CDH7: variants seen among roughly 807,000 people sequenced by gnomAD.
CDH7 encodes cadherin-7.
A neutral mutation model predicts 71.8 loss-of-function variants in CDH7; 25 were observed. The ratio of observed to expected loss-of-function variants is 0.35; its 90% CI spans 0.25 to 0.49. The LOEUF is 0.49. CDH7 is among the 20% of genes least tolerant of loss of function. The probability of loss-of-function intolerance (pLI) is 0.99; values close to 1 mark genes in which losing one functional copy is unlikely to be tolerated. For missense variants in CDH7, 862 were observed against 974.6 expected, an observed-to-expected ratio of 0.88 and a Z score of 1.54; for synonymous variants, 381 against 363.8, an observed-to-expected ratio of 1.05 and a Z score of -0.54.
intron 11 of CDH7, among the ~76,000 whole-genome samples, chr18:65,868,326 A>C (rs1415889334): frequency 6.6e-6 from 1 of 152,222 alleles, no homozygotes; most frequent in Non-Finnish European, 1.5e-5. Context: ...GAGATTTCCT[A>C]GGCAAGTATT....
intron 11 of CDH7, chr18:65,865,615 G>A (rs964556999): frequency 1.1e-4 from 17 of 152,100 alleles, no homozygotes; most frequent in African/African-American, 4.1e-4. Context: ...ATCATCAAAT[G>A]CTACCATTTT....
intron 11 of CDH7, among the ~76,000 whole-genome samples, chr18:65,869,805 A>T (rs1913875574): frequency 6.6e-6 from 1 of 152,106 alleles, no homozygotes; most frequent in Admixed American, 6.6e-5. Context: ...ACATAACAGA[A>T]CATTCTATAC....
chr18:65,792,713 G>A (rs1022569353), intron 2 of CDH7, among the ~76,000 whole-genome samples: 6 of 151,968 alleles, frequency 3.9e-5, no homozygotes, highest in Non-Finnish European at 8.8e-5. Context: ...CACTCTATCC[G>A]TTGTTACCCA....
intron 1 of CDH7, among the ~76,000 whole-genome samples, chr18:65,761,420 T>C (rs1240517101): frequency 1.3e-5 from 2 of 151,838 alleles, no homozygotes; most frequent in African/African-American, 4.8e-5. Flanking sequence ...ACACTCTTCT[T>C]ACAGAAGGGA....
chr18:65,853,120 G>A (rs1227674048), intron 7 of CDH7, among the ~76,000 whole-genome samples: 6 of 152,124 alleles, frequency 3.9e-5, no homozygotes, highest in African/African-American at 9.7e-5. Flanking sequence ...CTAATTGTCC[G>A]CTCCAATATA....
chr18:65,777,471 T>A (rs1909991268), intron 2 of CDH7, among the ~76,000 whole-genome samples: 1 of 151,942 alleles, frequency 6.6e-6, no homozygotes, highest in African/African-American at 2.4e-5. Context: ...AGTAAAACTC[T>A]CCAAACGCGA....
At chr18:65,851,320 T>G (rs1331967899) in intron 7 of CDH7, among the ~76,000 whole-genome samples, 1 of 152,132 alleles carries the variant, frequency 6.6e-6, no homozygotes, top group Non-Finnish European at 1.5e-5. Context: ...GATTAAAATT[T>G]CTATTCAAAT....
chr18:65,869,446 G>A (rs1035971103), intron 11 of CDH7, among the ~76,000 whole-genome samples: 2 of 151,314 alleles, frequency 1.3e-5, no homozygotes, highest in Non-Finnish European at 2.9e-5. Flanking sequence ...TACTTACTTG[G>A]TGTACTTTAG....
chr18:65,802,416 G>C (rs1367111940), intron 2 of CDH7, among the ~76,000 whole-genome samples: 1 of 152,138 alleles, frequency 6.6e-6, no homozygotes, highest in Non-Finnish European at 1.5e-5. Flanking sequence ...CTCAAATTCT[G>C]TTTTTATCTT....
rs868861970 is a variant in CDH7 at position 65,782,067 on chromosome 18, T to C, written c.210+19015T>C. ...CTTCCTTCCTTCCTTCCTTCCTTTC[T>C]TTCTTTCTTTCTTTCCTTCCTTCCT... is the stretch of plus-strand genomic sequence containing the variant. On this transcript the variant is annotated intron_variant, in intron 2 of 11. Transcript: ENST00000397968. Among the ~76,000 whole-genome samples, 6 of 55,340 alleles carry C rather than the reference T, an allele frequency of 1.1e-4. No individual in the cohort carries two copies. The African/African-American group carries it at 1.1e-3, about 10-fold the overall frequency. The allele number at this position is 55,340 out of a possible 152,430, so 36.3% of individuals were successfully genotyped here.
chr18:65,859,568 A>G, intron 9 of CDH7, 140 bp from the exon 10 acceptor site: 1 of 598,360 alleles, frequency 1.7e-6, no homozygotes, highest in Non-Finnish European at 3.0e-6. Flanking sequence ...TTGGGTTCAT[A>G]ATAATACATC....
intron 6 of CDH7, among the ~76,000 whole-genome samples, chr18:65,843,575 C>T (rs1482800729): frequency 6.6e-6 from 1 of 152,114 alleles, no homozygotes; most frequent in African/African-American, 2.4e-5. Flanking sequence ...ATCTGTCTGT[C>T]TGTGCAGCGT....
rs1568182055 is a variant in CDH7 at position 65,781,972 on chromosome 18, C to CTCTCTCTCTCTCTT, written c.210+18933_210+18934insTTCTCTCTCTCTCT. On this transcript the variant is annotated intron_variant, in intron 2 of 11. Coordinates refer to ENST00000397968, the MANE Select transcript of CDH7 (RefSeq NM_004361.5). ...TCTCTCTTTCTCTCTTTCTCTCTCT[C>CTCTCTCTCTCTCTT]TCTCTCTCTCTCTCTTTCTCTCTTT... Among the ~76,000 whole-genome samples, 128 of 62,452 alleles carry CTCTCTCTCTCTCTT rather than the reference C, an allele frequency of 2.0e-3. 22 individuals carry two copies. Among genetic ancestry groups the CTCTCTCTCTCTCTT allele is most frequent in the African/African-American group, 0.016 (125 of 7,916 alleles). 41.0% of individuals were successfully genotyped at this position (62,452 alleles called of 152,430 possible). A position where few individuals can be genotyped will look rare whatever the true frequency, so the allele number is the denominator to read the frequency against.
At position 65,762,747 on chromosome 18, in the gene CDH7, C is replaced by A; in HGVS notation, c.-96C>A. The A allele has an allele frequency of 1.0e-6, 1 of 963,814 alleles. No individual in the cohort carries two copies. Among genetic ancestry groups the A allele is most frequent in the Non-Finnish European group, 1.5e-6 (1 of 654,136 alleles). The allele number at this position is 963,814 out of a possible 1,614,324, so 59.7% of individuals were successfully genotyped here. On this transcript the variant is annotated 5_prime_UTR_variant, in exon 2 of 12. Transcript: ENST00000397968. ...TTATCTCTGGACTCCCAGCTGACACCCTGCCGGAGGCAAGAGCTACTAAGC... is the reference window on the plus strand; with the variant it reads ...TTATCTCTGGACTCCCAGCTGACACACTGCCGGAGGCAAGAGCTACTAAGC...
chr18:65,820,218 T>C (rs1335287899), intron 4 of CDH7, among the ~76,000 whole-genome samples: 1 of 149,878 alleles, frequency 6.7e-6, no homozygotes, highest in South Asian at 2.1e-4. Flanking sequence ...TATAGAAAAA[T>C]TATTCACAAA....
intron 11 of CDH7, among the ~76,000 whole-genome samples, chr18:65,871,802 T>C (rs148028497): frequency 6.6e-6 from 1 of 152,304 alleles, no homozygotes; most frequent in African/African-American, 2.4e-5. Flanking sequence ...TTTTGAACAT[T>C]TATTATATTC....
At chr18:65,827,463 CA>C (rs1250889412) in intron 6 of CDH7, among the ~76,000 whole-genome samples, 1 of 151,508 alleles carries the variant, frequency 6.6e-6, no homozygotes, top group Non-Finnish European at 1.5e-5. Flanking sequence ...TATCAAAGGT[CA>C]AAAAAATAAC....
chr18:65,790,391 G>A (rs1049061714), intron 2 of CDH7, among the ~76,000 whole-genome samples: 1 of 152,056 alleles, frequency 6.6e-6, no homozygotes, highest in Non-Finnish European at 1.5e-5. Flanking sequence ...AGAGTAGACT[G>A]TAAGCTTGAT....
At chr18:65,781,866 C>CCT (rs1910243249) in intron 2 of CDH7, among the ~76,000 whole-genome samples, 4 of 59,696 alleles carry the variant, frequency 6.7e-5, no homozygotes, top group African/African-American at 3.9e-4. Context: ...TTCTTTCTTT[C>CCT]TCTCTCTCTC....
Sources: allele counts gnomAD v4.1 joint callset (sites outside exome capture counted in the v4.1 genomes callset), GRCh38; gene constraint gnomAD v4.1.1; transcripts MANE v1.5; gene names NCBI Gene and HGNC (gene_info 2026-07-23, HGNC 2026-07-21).